The following DNAH12 variants were observed in gnomAD, a reference collection of about 807,000 sequenced individuals.
DNAH12 encodes axonemal beta dynein heavy chain 12.
A neutral mutation model predicts 371.5 loss-of-function variants in DNAH12; 285 were observed. The ratio of observed to expected loss-of-function variants is 0.77; its 90% CI spans 0.70 to 0.85. The LOEUF (loss-of-function observed/expected upper bound fraction) is 0.85, where lower values mean the gene tolerates loss of function less well. Among genes scored for constraint, DNAH12 ranks in the 40% least tolerant of loss-of-function variants. DNAH12 has a pLI of 0.00. For missense variants in DNAH12, 3,611 were observed against 3,689.4 expected, an observed-to-expected ratio of 0.98 and a Z score of 0.55; for synonymous variants, 1,200 against 1,213.0, an observed-to-expected ratio of 0.99 and a Z score of 0.22.
chr3:57,508,293 G>A, intron 7 of DNAH12, 89 bp downstream of exon 7: 2 of 1,223,946 alleles, frequency 1.6e-6, no homozygotes, highest in Non-Finnish European at 2.2e-6. Context: ...AAGTGTTGAA[G>A]ATTTAGGATT....
At chr3:57,517,372 A>G (rs2068237919) in intron 4 of DNAH12, among the ~76,000 whole-genome samples, 2 of 152,168 alleles carry the variant, frequency 1.3e-5, no homozygotes, top group African/African-American at 4.8e-5. Flanking sequence ...AAGTATGCAT[A>G]GATATTTGTT....
At chr3:57,483,624 T>C in intron 12 of DNAH12, 113 bp from the exon 13 acceptor site, 1 of 1,189,162 alleles carries the variant, frequency 8.4e-7, no homozygotes, top group Non-Finnish European at 1.1e-6. Context: ...CCTAAAAAAA[T>C]TGCTTGATTC....
chr3:57,471,665 G>T, intron 14 of DNAH12, 59 bp from the exon 15 acceptor site: 2 of 1,402,320 alleles, frequency 1.4e-6, no homozygotes. Context: ...TATCAAGTCA[G>T]AAATCCAAAT....
intron 39 of DNAH12, among the ~76,000 whole-genome samples, chr3:57,409,502 T>C (rs1391607251): frequency 3.9e-5 from 6 of 152,006 alleles, no homozygotes; most frequent in Non-Finnish European, 7.4e-5. Context: ...ATTTACAAAA[T>C]ATTACATGTA....
intron 1 of DNAH12, among the ~76,000 whole-genome samples, chr3:57,543,692 C>T (rs2069401105): frequency 6.6e-6 from 1 of 150,820 alleles, no homozygotes; most frequent in Non-Finnish European, 1.5e-5. Context: ...ATGCTATGAT[C>T]AAGCAAAAAA....
rs945206746 is a variant in DNAH12 at position 57,377,013 on chromosome 3, T to C, written c.8433A>G (p.Gln2811=). 2 of 152,170 alleles carry C rather than the reference T, an allele frequency of 1.3e-5. No homozygotes were observed. Among genetic ancestry groups the C allele is most frequent in the Non-Finnish European group, 2.9e-5 (2 of 68,012 alleles). The allele number at this position is 152,170 out of a possible 1,614,324, so 9.4% of individuals were successfully genotyped here. A position where few individuals can be genotyped will look rare whatever the true frequency, so the allele number is the denominator to read the frequency against. The change falls in exon 53 of 74, where the codon CAA becomes CAG. Residue 2811 remains glutamine, a synonymous_variant. Transcript: ENST00000495027. ...LCAKKLERAS[Q]LIGGLGGEKS... ...TTTCTCCACCCAGTCCTCCAATTAA[T>C]TGTGAGGCTCTTTCAAGCTTCTTAG...
intron 16 of DNAH12, among the ~76,000 whole-genome samples, chr3:57,469,313 TAAAACAAA>T (rs1188668417): frequency 1.1e-4 from 17 of 151,794 alleles, no homozygotes; most frequent in Admixed American, 1.1e-3. Flanking sequence ...TATTAAAAAG[TAAAACAAA>T]AAAACAAAAA....
intron 2 of DNAH12, among the ~76,000 whole-genome samples, chr3:57,532,256 G>A (rs1002760634): frequency 3.9e-5 from 6 of 152,040 alleles, no homozygotes; most frequent in African/African-American, 9.7e-5. Flanking sequence ...GTGTTATCTC[G>A]AATTTCTTTG....
At chr3:57,463,718 G>A (rs900033002) in intron 17 of DNAH12, among the ~76,000 whole-genome samples, 4 of 152,038 alleles carry the variant, frequency 2.6e-5, no homozygotes, top group Non-Finnish European at 5.9e-5. Context: ...CACTCAGTAA[G>A]TATTTTTTAA....
chr3:57,430,448 T>C (rs1030606876), intron 32 of DNAH12, among the ~76,000 whole-genome samples: 1 of 151,752 alleles, frequency 6.6e-6, no homozygotes, highest in Admixed American at 6.5e-5. Flanking sequence ...AATGGATTTA[T>C]TTAAAGCAAA....
Position 57,457,727 on chromosome 3 carries a change from G to T in DNAH12, c.3330C>A (p.Ala1110=). ...LRSVHDVIAA[A]RLAYPESARR... ...CAAATCCTAGGAAACACACCAGCCT[G>T]GCTGCAGCGATCACATCGTGAACAC... The change falls in exon 22 of 74, where the codon GCC becomes GCA. Residue 1110 remains alanine (A), a synonymous_variant. Coordinates refer to ENST00000495027, the MANE Select transcript of DNAH12 (RefSeq NM_001366028.2). The T allele has an allele frequency of 6.5e-7, 1 of 1,548,652 alleles. No homozygotes were observed. The highest frequency in any genetic ancestry group is 8.7e-7 in the Non-Finnish European group (1 of 1,144,534).
intron 25 of DNAH12, among the ~76,000 whole-genome samples, chr3:57,448,648 A>C (rs1174860079): frequency 6.6e-6 from 1 of 152,176 alleles, no homozygotes; most frequent in African/African-American, 2.4e-5. Flanking sequence ...GCCTGCTTTT[A>C]TTCTCTTATC....
intron 2 of DNAH12, among the ~76,000 whole-genome samples, chr3:57,536,796 A>G (rs533444723): frequency 1.3e-5 from 2 of 152,308 alleles, no homozygotes; most frequent in East Asian, 1.9e-4. Context: ...TATGAATGCC[A>G]CCCTTTAACA....
At chr3:57,476,115 T>C (rs2066514289) in intron 13 of DNAH12, among the ~76,000 whole-genome samples, 1 of 152,044 alleles carries the variant, frequency 6.6e-6, no homozygotes, top group Non-Finnish European at 1.5e-5. Context: ...TTAGGAACAA[T>C]GACATTACTA....
intron 45 of DNAH12, among the ~76,000 whole-genome samples, chr3:57,391,160 T>C (rs1410688723): frequency 6.6e-6 from 1 of 152,170 alleles, no homozygotes; most frequent in Non-Finnish European, 1.5e-5. Context: ...GGTGTTTCTG[T>C]GAGGGTGTTT....
chr3:57,533,925 G>A (rs903746053), intron 2 of DNAH12, among the ~76,000 whole-genome samples: 2 of 152,184 alleles, frequency 1.3e-5, no homozygotes, highest in Admixed American at 6.5e-5. Context: ...CTCAGCACTA[G>A]GACTTACCTA....
chr3:57,403,456 T>C lies in DNAH12; in HGVS notation c.6801A>G (p.Gln2267=), dbSNP rs2063931570. Residue 2267 remains glutamine, a synonymous_variant, in exon 43 of 74, where the codon CAA becomes CAG. Transcript: ENST00000495027. ...CAACAAGCAAAGCATTTCCACCAGA[T>C]TGCTTTAGAACTCGACATATTCTTG... The part of the protein sequence containing the change: ...HLSRICRVLK[Q]SGGNALLVGL... The C allele has an allele frequency of 3.9e-6, 6 of 1,551,366 alleles. No homozygotes were observed. Among genetic ancestry groups the C allele is most frequent in the South Asian group, 2.4e-5 (2 of 83,978 alleles).
At chr3:57,460,663 ACT>A (rs2066030093) in intron 19 of DNAH12, among the ~76,000 whole-genome samples, 1 of 152,168 alleles carries the variant, frequency 6.6e-6, no homozygotes, top group Non-Finnish European at 1.5e-5. Flanking sequence ...GAAGAACATT[ACT>A]CTGTTTTCTC....
At chr3:57,542,630 T>C in intron 2 of DNAH12, 71 bp downstream of exon 2, 1 of 1,476,612 alleles carries the variant, frequency 6.8e-7, no homozygotes, top group South Asian at 1.4e-5. Flanking sequence ...TTAAAACTTT[T>C]TAGGAGAATA....
Sources: allele counts gnomAD v4.1 joint callset (sites outside exome capture counted in the v4.1 genomes callset), GRCh38; gene constraint gnomAD v4.1.1; transcripts MANE v1.5; gene names NCBI Gene and HGNC (gene_info 2026-07-23, HGNC 2026-07-21).